SPATA13: variants seen among roughly 807,000 people sequenced by gnomAD.
The protein encoded by SPATA13 is spermatogenesis-associated protein 13.
In SPATA13, 50 loss-of-function variants were observed where a neutral mutation model predicts 104.0. The observed-to-expected ratio is 0.48, with a 90% CI of 0.38 to 0.61. The LOEUF is 0.61. Ranked by LOEUF, SPATA13 falls within the 20% of genes least tolerant of loss-of-function variation. SPATA13 has a pLI of 0.00. For missense variants in SPATA13, 1,524 were observed against 1,690.6 expected (o/e 0.90, Z 1.73); for synonymous variants, 606 against 667.5 (o/e 0.91, Z 1.42).
intron 3 of SPATA13, among the ~76,000 whole-genome samples, chr13:24,081,736 A>G (rs1879527311): frequency 6.6e-6 from 1 of 152,334 alleles, no homozygotes; most frequent in Non-Finnish European, 1.5e-5. Flanking sequence ...ATTGCACACT[A>G]TGTTTTAAAG....
intron 3 of SPATA13, among the ~76,000 whole-genome samples, chr13:24,040,598 G>T (rs1877884709): frequency 6.6e-6 from 1 of 151,972 alleles, no homozygotes; most frequent in Admixed American, 6.6e-5. Flanking sequence ...GAGACACAGG[G>T]GTCCAGGACA....
intron 2 of SPATA13, among the ~76,000 whole-genome samples, chr13:24,233,972 C>T (rs1056831428): frequency 5.9e-5 from 9 of 151,866 alleles, no homozygotes; most frequent in African/African-American, 1.7e-4. Flanking sequence ...ATAAAATTAT[C>T]GTATACCTGT....
chr13:24,007,968 T>G (rs1345184008), intron 2 of SPATA13, among the ~76,000 whole-genome samples: 1 of 152,142 alleles, frequency 6.6e-6, no homozygotes, highest in Non-Finnish European at 1.5e-5. Context: ...CCAGAAGTCC[T>G]GGGGGGAAAT....
At chr13:24,295,155 G>A (rs1296716987) in intron 10 of SPATA13, among the ~76,000 whole-genome samples, 2 of 152,144 alleles carry the variant, frequency 1.3e-5, no homozygotes, top group Non-Finnish European at 2.9e-5. Context: ...ACAGTAGAGG[G>A]CATTTCAGTT....
intron 3 of SPATA13, among the ~76,000 whole-genome samples, chr13:24,132,285 C>T (rs1216118057): frequency 2.0e-5 from 3 of 152,232 alleles, no homozygotes; most frequent in Non-Finnish European, 4.4e-5. Context: ...AAAAAATCTT[C>T]TGTTATAGGA....
At position 24,301,771 on chromosome 13, in the gene SPATA13, C is replaced by G. The variant is rs561092842; in HGVS notation, c.3659-827C>G. On this transcript the variant is annotated intron_variant, in intron 12 of 12. Coordinates refer to ENST00000382108, the MANE Select transcript of SPATA13 (RefSeq NM_001166271.3). ...TTACACAGTTACGTTTTAATCTAAT[C>G]GCTAATTTTAATAAACCTTCTAAAT... Among the ~76,000 whole-genome samples, 124 of 152,284 alleles carry G rather than the reference C, an allele frequency of 8.1e-4. 3 individuals carry two copies. The South Asian group carries it at 0.016, about 19-fold the overall frequency.
chr13:24,161,007 T>G lies in SPATA13; in HGVS notation c.-112+75T>G. Reference sequence around the variant, plus strand: ...CTGTTAGGTAGAATATCGGGAGGATTTGAGTCCCAGTGGACTGCCTCGGGG... The same window carrying G: ...CTGTTAGGTAGAATATCGGGAGGATGTGAGTCCCAGTGGACTGCCTCGGGG... On this transcript the variant is annotated intron_variant, in intron 1 of 12. Transcript: ENST00000382108. This position sits in a 1 kb window ranked among gnomAD's most constrained non-coding sequence, Gnocchi z 4.5. 1.1e-6 allele frequency: 1 copy of G among 898,780 alleles called. No homozygotes were observed. 55.7% of individuals were successfully genotyped at this position (898,780 alleles called of 1,614,324 possible). A position where few individuals can be genotyped will look rare whatever the true frequency, so the allele number is the denominator to read the frequency against.
At chr13:24,129,269 C>A (rs1332007260) in intron 3 of SPATA13, among the ~76,000 whole-genome samples, 1 of 152,232 alleles carries the variant, frequency 6.6e-6, no homozygotes, top group East Asian at 1.9e-4. Flanking sequence ...AGTCTGAGTA[C>A]AGCGTCTGTC....
At chr13:24,112,278 A>G (rs939323820) in intron 3 of SPATA13, among the ~76,000 whole-genome samples, 1 of 151,718 alleles carries the variant, frequency 6.6e-6, no homozygotes, top group African/African-American at 2.4e-5. Flanking sequence ...AACATTTTCC[A>G]TTTACAATAA....
chr13:24,306,028 G>A lies in SPATA13; in HGVS notation c.*3255G>A, dbSNP rs1414926245. ...TTTCTTTTCATTAGATCTGATTTTT[G>A]TTTCCCACTGTAGATCTGATTTTGT... On this transcript the variant is annotated 3_prime_UTR_variant, in exon 13 of 13. Coordinates refer to ENST00000382108, the MANE Select transcript of SPATA13 (RefSeq NM_001166271.3). The A allele has an allele frequency of 1.3e-5, 2 of 152,066 alleles. No individual in the cohort carries two copies. The highest frequency in any genetic ancestry group is 3.8e-4 in the East Asian group (2 of 5,196). 9.4% of individuals were successfully genotyped at this position (152,066 alleles called of 1,614,324 possible).
rs926864922 is a variant in SPATA13 at position 24,293,313 on chromosome 13, A to G, written c.3081-1426A>G. On this transcript the variant is annotated intron_variant, in intron 9 of 12. Coordinates refer to ENST00000382108, the MANE Select transcript of SPATA13 (RefSeq NM_001166271.3). ...TGTAAATACCTTCTACAGATTTTCA[A>G]AGACACTTTTAAGAAAATGTCCTGA... Among the ~76,000 whole-genome samples the G allele has an allele frequency of 7.9e-5, 12 of 152,220 alleles. 4 individuals carry two copies. The highest frequency in any genetic ancestry group is 7.8e-4 in the Admixed American group (12 of 15,302).
intron 9 of SPATA13, among the ~76,000 whole-genome samples, chr13:24,291,744 TTTTA>T (rs760782645): frequency 9.0e-5 from 9 of 100,134 alleles, no homozygotes; most frequent in African/African-American, 1.2e-4. Context: ...GTCTTTATTT[TTTTA>T]TTTTTTTATT....
rs535275114 is a variant in SPATA13 at position 24,304,908 on chromosome 13, T to G, written c.*2135T>G. 1 of 152,256 alleles carries G rather than the reference T, an allele frequency of 6.6e-6. No homozygotes were observed. The highest frequency in any genetic ancestry group is 2.4e-5 in the African/African-American group (1 of 41,462). 9.4% of individuals were successfully genotyped at this position (152,256 alleles called of 1,614,324 possible). Reference sequence around the variant, plus strand: ...CCAACTTTAGATGTGTTTATAGAACTGACCTTTTTACTAACAAAATACAAT... The same window carrying G: ...CCAACTTTAGATGTGTTTATAGAACGGACCTTTTTACTAACAAAATACAAT... On this transcript the variant is annotated 3_prime_UTR_variant, in exon 13 of 13. Coordinates refer to ENST00000382108, the MANE Select transcript of SPATA13 (RefSeq NM_001166271.3).
chr13:24,274,135 C>T (rs1169449675), intron 4 of SPATA13, among the ~76,000 whole-genome samples: 1 of 152,166 alleles, frequency 6.6e-6, no homozygotes, highest in African/African-American at 2.4e-5. Context: ...TACACATTGG[C>T]TAACGCAGAG....
intron 3 of SPATA13, among the ~76,000 whole-genome samples, chr13:24,133,159 A>C (rs1220558298): frequency 6.6e-6 from 1 of 152,186 alleles, no homozygotes; most frequent in Admixed American, 6.5e-5. Context: ...CCAAAGGCCC[A>C]GTGGGATTAG....
At chr13:24,007,636 T>C (rs185136900) in intron 2 of SPATA13, among the ~76,000 whole-genome samples, 5 of 152,268 alleles carry the variant, frequency 3.3e-5, no homozygotes, top group South Asian at 2.1e-4. Flanking sequence ...TTTGTATTTT[T>C]AGTAGAGACA....
chr13:24,001,251 G>A (rs1875953563), intron 2 of SPATA13, among the ~76,000 whole-genome samples: 2 of 152,174 alleles, frequency 1.3e-5, no homozygotes, highest in Admixed American at 6.5e-5. Context: ...GTGTTACATC[G>A]CTGAGGTGGA....
intron 3 of SPATA13, among the ~76,000 whole-genome samples, chr13:24,068,175 T>C: frequency 6.6e-6 from 1 of 152,148 alleles, no homozygotes; most frequent in South Asian, 2.1e-4. Context: ...CACTCTCCAA[T>C]AGGCCCCAGG....
At chr13:24,166,477 G>A (rs367797252) in intron 1 of SPATA13, among the ~76,000 whole-genome samples, 3 of 152,146 alleles carry the variant, frequency 2.0e-5, no homozygotes, top group South Asian at 4.1e-4. Flanking sequence ...ACAGAGGTGA[G>A]GAGATGGGCT....
Sources: gnomAD v4.1 joint callset for allele counts (sites outside exome capture counted in the v4.1 genomes callset) on GRCh38, gnomAD v4.1.1 for gene constraint, Gnocchi (gnomAD v3.1) non-coding constraint, MANE v1.5 for transcripts, NCBI Gene and HGNC (gene_info 2026-07-23, HGNC 2026-07-21) for gene names.